The following MRPS2 variants were observed in gnomAD, a reference collection of about 807,000 sequenced individuals.
MRPS2 encodes the protein small ribosomal subunit protein uS2m.
MRPS2 carries 13 observed loss-of-function variants against 18.9 expected under a neutral mutation model. That is an observed-to-expected ratio of 0.69 (90% CI 0.45 to 1.09). The LOEUF (loss-of-function observed/expected upper bound fraction) is 1.09. Among genes scored for constraint, MRPS2 ranks in the 50% least tolerant of loss-of-function variants. MRPS2 has a pLI of 0.00. For synonymous variants in MRPS2, 186 were observed against 178.4 expected, an observed-to-expected ratio of 1.04 and a Z score of -0.34; for missense variants, 389 against 421.7, an observed-to-expected ratio of 0.92 and a Z score of 0.68.
chr9:135,503,501 G>A (rs367667506), intron 3 of MRPS2, 41 bp from the exon 4 acceptor site: 216 of 1,573,702 alleles, frequency 1.4e-4, no homozygotes, highest in Non-Finnish European at 1.7e-4. Flanking sequence ...AGATGGCCCC[G>A]TGAACTCTCA....
At chr9:135,502,289 G>A in intron 3 of MRPS2, 1 of 1,156,434 alleles carries the variant, frequency 8.6e-7, no homozygotes, top group Non-Finnish European at 1.1e-6. Context: ...GGATCGGGCT[G>A]GGCCTTCTGG....
intron 1 of MRPS2, 28 bp downstream of exon 1, chr9:135,500,781 G>T (rs1285492518): frequency 6.7e-7 from 1 of 1,486,850 alleles, no homozygotes; most frequent in South Asian, 1.3e-5. Context: ...GGACCCTGGG[G>T]AGGAGCATGC....
intron 3 of MRPS2, chr9:135,503,282 A>G (rs1588370076): frequency 2.4e-5 from 32 of 1,350,068 alleles, no homozygotes; most frequent in Non-Finnish European, 3.0e-5. Flanking sequence ...ATATGGGGTC[A>G]GTTCTATTAG....
intron 2 of MRPS2, chr9:135,501,369 T>C: frequency 7.4e-7 from 1 of 1,348,990 alleles, no homozygotes; most frequent in South Asian, 1.7e-5. Flanking sequence ...CAGGCTTCGC[T>C]CCCTAGGGGG....
intron 3 of MRPS2, 70 bp downstream of exon 3, chr9:135,502,043 G>A (rs1831158746): frequency 1.2e-6 from 2 of 1,604,002 alleles, no homozygotes; most frequent in South Asian, 2.2e-5. Flanking sequence ...TGGTTCTAGG[G>A]CCACTTTTGA....
At chr9:135,500,155 C>G, upstream of MRPS2, 2 of 411,010 alleles carry the variant, frequency 4.9e-6, no homozygotes, top group South Asian at 8.5e-5. Flanking sequence ...CCTGGGACCC[C>G]GCCAGCCGGG....
chr9:135,500,859 C>A, intron 1 of MRPS2, 106 bp downstream of exon 1: 2 of 1,501,684 alleles, frequency 1.3e-6, no homozygotes, highest in Non-Finnish European at 8.9e-7. Context: ...CCGGGGCGAG[C>A]GCGGAGGGGA....
chr9:135,504,181 G>A lies in MRPS2; in HGVS notation c.*48G>A. 5 of 1,482,698 alleles carry A rather than the reference G, an allele frequency of 3.4e-6. No individual in the cohort carries two copies. The highest frequency in any genetic ancestry group is 4.5e-6 in the Non-Finnish European group (5 of 1,115,068). 91.8% of individuals were successfully genotyped at this position (1,482,698 alleles called of 1,614,324 possible). ...AACCACAGCCAAGCCTGTCTGAGCTGGGAGTCCCCTTCCCCAGCCCTGGGT... is the reference window on the plus strand; with the variant it reads ...AACCACAGCCAAGCCTGTCTGAGCTAGGAGTCCCCTTCCCCAGCCCTGGGT... On this transcript the variant is annotated 3_prime_UTR_variant, in exon 4 of 4. Coordinates refer to ENST00000241600, the MANE Select transcript of MRPS2 (RefSeq NM_016034.5). This position sits in a 1 kb window ranked among gnomAD's most constrained non-coding sequence, Gnocchi z 4.3.
upstream of MRPS2, chr9:135,500,578 C>T (rs1466703523): frequency 8.5e-6 from 9 of 1,056,330 alleles, no homozygotes. Flanking sequence ...AGGGAGGTCC[C>T]AGCCGCCTGG....
At chr9:135,500,582 C>T (rs570270919), upstream of MRPS2, 3 of 1,077,888 alleles carry the variant, frequency 2.8e-6, no homozygotes, top group Middle Eastern at 3.1e-4. Flanking sequence ...AGGTCCCAGC[C>T]GCCTGGGGAC....
At chr9:135,500,527 C>A, upstream of MRPS2, 1 of 566,102 alleles carries the variant, frequency 1.8e-6, no homozygotes, top group Non-Finnish European at 2.9e-6. Flanking sequence ...CTCTCAAGCC[C>A]AGGACCCCGG....
rs1831103711 is a variant in MRPS2, at chr9:135,501,021, T to G, written c.67T>G (p.Leu23Val). The G allele has an allele frequency of 1.2e-6, 2 of 1,611,510 alleles. No individual in the cohort carries two copies. The highest frequency in any genetic ancestry group is 2.7e-5 in the African/African-American group (2 of 74,778). The change falls in exon 2 of 4, where the codon TTG (leucine) becomes GTG (valine). Residue 23 changes from leucine (L) to valine (V), a missense_variant. By Grantham distance (32) the Leu-to-Val change is conservative. Transcript: ENST00000241600. ...AGGTGCCCGGGCCCCGTCGCGCTGG[T>G]TGGGCTTTCTCGGGAAGGCGACCCC... The part of the protein sequence containing the change: ...GAGARAPSRW[L>V]GFLGKATPRP...
chr9:135,503,590 C>T lies in MRPS2; in HGVS notation c.348C>T (p.Ile116=), dbSNP rs781167697. The T allele has an allele frequency of 4.3e-6, 7 of 1,613,690 alleles. No homozygotes were observed. Among genetic ancestry groups the T allele is most frequent in the South Asian group, 2.2e-5 (2 of 91,066 alleles). ...GGAGCCGCCTGGACCACGACATCAT[C>T]GACCTGGAACAGACAGCCACGCACC... ...IFGSRLDHDI[I]DLEQTATHLQ... The change falls in exon 4 of 4, where the codon ATC becomes ATT. Residue 116 remains isoleucine, a synonymous_variant. Transcript: ENST00000241600.
intron 2 of MRPS2, 52 bp from the exon 3 acceptor site, chr9:135,501,792 T>C: frequency 1.2e-6 from 2 of 1,605,898 alleles, no homozygotes; most frequent in Non-Finnish European, 1.7e-6. Flanking sequence ...GCTCTGCCTG[T>C]CTCTGCTGCC....
chr9:135,501,640 G>A (rs1006852749), intron 2 of MRPS2: 167 of 1,392,752 alleles, frequency 1.2e-4, no homozygotes, highest in Non-Finnish European at 1.4e-4. Context: ...CAGGAGCAAG[G>A]TCGGGATCAG....
intron 3 of MRPS2, chr9:135,502,286 GC>G: frequency 4.3e-6 from 5 of 1,163,352 alleles, no homozygotes; most frequent in Middle Eastern, 4.7e-4. Flanking sequence ...CCCGGATCGG[GC>G]TGGGCCTTCT....
intron 2 of MRPS2, chr9:135,501,351 G>GGTTA: frequency 7.2e-7 from 1 of 1,395,642 alleles, no homozygotes; most frequent in Non-Finnish European, 9.3e-7. Flanking sequence ...GCGGGCCAGT[G>GGTTA]GTTAGCACAG....
At chr9:135,503,516 C>T (rs748255231) in intron 3 of MRPS2, 26 bp from the exon 4 acceptor site, 5 of 1,601,126 alleles carry the variant, frequency 3.1e-6, no homozygotes, top group East Asian at 2.2e-5. Flanking sequence ...CTCTCATCCC[C>T]CTTGCCTTGG....
rs1463872137 is a variant in MRPS2, at chr9:135,504,147, C to T, written c.*14C>T. 6.4e-7 allele frequency: 1 copy of T among 1,566,488 alleles called. No individual in the cohort carries two copies. The highest frequency in any genetic ancestry group is 1.2e-5 in the South Asian group (1 of 84,896). ...CATTCCCTGTGATGTTCACTCTCCTCCCAAAGCAAACCACAGCCAAGCCTG... is the reference window on the plus strand; with the variant it reads ...CATTCCCTGTGATGTTCACTCTCCTTCCAAAGCAAACCACAGCCAAGCCTG... On this transcript the variant is annotated 3_prime_UTR_variant, in exon 4 of 4. Coordinates refer to ENST00000241600, the MANE Select transcript of MRPS2 (RefSeq NM_016034.5). The surrounding 1 kb of genome is among the most constrained non-coding windows in gnomAD (Gnocchi z 4.3).
Sources: allele counts gnomAD v4.1 joint callset, GRCh38; gene constraint gnomAD v4.1.1; non-coding constraint Gnocchi (gnomAD v3.1); transcripts MANE v1.5; gene names NCBI Gene and HGNC (gene_info 2026-07-23, HGNC 2026-07-21).